ITGB3BP: variants seen among roughly 807,000 people sequenced by gnomAD.
The protein encoded by ITGB3BP is integrin subunit beta 3 binding protein, also known as centromere protein R.
Under a neutral mutation model 29.1 loss-of-function variants are expected in ITGB3BP, and 27 were observed. That is an observed-to-expected ratio of 0.93 (90% CI 0.68 to 1.28). The LOEUF is 1.28. ITGB3BP is among the 50% of genes most tolerant of loss of function. The pLI is 0.00. For missense variants in ITGB3BP, 192 were observed against 200.2 expected (o/e 0.96, Z 0.25); for synonymous variants, 61 against 61.4 (o/e 0.99, Z 0.03).
At chr1:63,527,338 G>A (rs371278080), upstream of ITGB3BP, among the ~76,000 whole-genome samples, 49 of 152,152 alleles carry the variant, frequency 3.2e-4, no homozygotes, top group Non-Finnish European at 6.3e-4. Flanking sequence ...CTCTCTTAAC[G>A]TTGTAATAAT....
At chr1:63,451,087 C>G (rs1644853618) in intron 7 of ITGB3BP, among the ~76,000 whole-genome samples, 1 of 151,704 alleles carries the variant, frequency 6.6e-6, no homozygotes, top group South Asian at 2.1e-4. Flanking sequence ...ATAAATATTA[C>G]TAGAACTAAA....
upstream of ITGB3BP, among the ~76,000 whole-genome samples, chr1:63,526,574 A>G (rs996412992): frequency 2.0e-5 from 3 of 152,242 alleles, no homozygotes; most frequent in African/African-American, 7.2e-5. Flanking sequence ...AATTGACAAG[A>G]TTAAAATTTA....
At chr1:63,521,060 T>A (rs1171713805) in intron 1 of ITGB3BP, among the ~76,000 whole-genome samples, 2 of 152,120 alleles carry the variant, frequency 1.3e-5, no homozygotes, top group African/African-American at 4.8e-5. Flanking sequence ...TGTATTGAAG[T>A]TTTTTCTGCT....
chr1:63,471,107 T>C (rs903076619), intron 4 of ITGB3BP, among the ~76,000 whole-genome samples: 3 of 152,208 alleles, frequency 2.0e-5, no homozygotes, highest in Non-Finnish European at 1.5e-5. Flanking sequence ...CATTTTTCTA[T>C]TGGATTGTCT....
chr1:63,466,353 C>T (rs1437456537), intron 4 of ITGB3BP, among the ~76,000 whole-genome samples: 2 of 152,212 alleles, frequency 1.3e-5, no homozygotes, highest in Admixed American at 1.3e-4. Context: ...GATGAAACTA[C>T]ATATGACGAC....
At chr1:63,489,133 T>C (rs1645591596) in intron 3 of ITGB3BP, among the ~76,000 whole-genome samples, 1 of 151,888 alleles carries the variant, frequency 6.6e-6, no homozygotes, top group Non-Finnish European at 1.5e-5. Flanking sequence ...GAGAACCTAA[T>C]AGTAACAGCT....
Position 63,508,512 on chromosome 1 carries a change from T to C in ITGB3BP, c.48+16A>G. ...CACAATCTTATTCAATGACAAACTT[T>C]TAAGCAAATACTTACATTTTCTTCT... On this transcript the variant is annotated intron_variant, in intron 2 of 8. Transcript: ENST00000271002. 1 of 1,313,842 alleles carries C rather than the reference T, an allele frequency of 7.6e-7. No homozygotes were observed. The highest frequency in any genetic ancestry group is 1.4e-5 in the South Asian group (1 of 71,294). 81.4% of individuals were successfully genotyped at this position (1,313,842 alleles called of 1,614,324 possible).
chr1:63,507,008 G>A (rs1259642489), intron 2 of ITGB3BP, among the ~76,000 whole-genome samples: 1 of 152,202 alleles, frequency 6.6e-6, no homozygotes, highest in Non-Finnish European at 1.5e-5. Flanking sequence ...GATGAAGTGT[G>A]TATGTAGCCA....
At chr1:63,443,033 G>C (rs148979429) in intron 8 of ITGB3BP, 1 of 152,348 alleles carries the variant, frequency 6.6e-6, no homozygotes, top group African/African-American at 2.4e-5. Flanking sequence ...TTTCACAAAG[G>C]CTTCACTTTT....
chr1:63,448,342 A>T (rs1040334456), intron 7 of ITGB3BP, among the ~76,000 whole-genome samples: 4 of 151,892 alleles, frequency 2.6e-5, no homozygotes, highest in Non-Finnish European at 5.9e-5. Flanking sequence ...AAAATAAAAA[A>T]AAAAAAGCAA....
At chr1:63,516,342 C>G (rs12130694) in intron 1 of ITGB3BP, among the ~76,000 whole-genome samples, 53 of 51,896 alleles carry the variant, frequency 1.0e-3, no homozygotes, top group South Asian at 2.3e-3. Flanking sequence ...GGAAGGGAAG[C>G]GGAGCGGGGG....
At chr1:63,500,279 G>A (rs1570279020) in intron 2 of ITGB3BP, among the ~76,000 whole-genome samples, 3 of 152,096 alleles carry the variant, frequency 2.0e-5, no homozygotes, top group South Asian at 2.1e-4. Flanking sequence ...TTGGAAGGCC[G>A]AGGCAGGAGA....
In ITGB3BP at chr1:63,454,515, CAT is replaced by C. The variant is rs750274935; in HGVS notation, c.334-44_334-43del. 8.8e-6 allele frequency: 8 copies of C among 905,914 alleles called. No individual in the cohort carries two copies. Among genetic ancestry groups the C allele is most frequent in the South Asian group, 4.8e-5 (3 of 62,026 alleles). The allele number at this position is 905,914 out of a possible 1,614,324, so 56.1% of individuals were successfully genotyped here. The stretch of plus-strand genomic sequence containing the variant: ...TTGAATGAGTTAAGTTCTCTACACA[CAT>C]GAGATTACTGACATGTCTAGTGAAA... On this transcript the variant is annotated intron_variant, in intron 5 of 8. Transcript: ENST00000271002. The surrounding 1 kb of genome is among the most constrained non-coding windows in gnomAD (Gnocchi z 4.1).
chr1:63,503,695 TGTA>T, intron 2 of ITGB3BP, among the ~76,000 whole-genome samples: 1 of 152,304 alleles, frequency 6.6e-6, no homozygotes, highest in African/African-American at 2.4e-5. Flanking sequence ...TTTTATAAGG[TGTA>T]AGGAAGGGAT....
Position 63,454,830 on chromosome 1 carries a change from T to C in ITGB3BP, c.333+60A>G. The stretch of plus-strand genomic sequence containing the variant: ...CTTTCCTGGATTGGATTCTCCAATC[T>C]GGGACACTTCTTTCATTTTATCCTT... On this transcript the variant is annotated intron_variant, in intron 5 of 8. Transcript: ENST00000271002. The surrounding 1 kb of genome is among the most constrained non-coding windows in gnomAD (Gnocchi z 4.1). 1.3e-6 allele frequency: 1 copy of C among 756,466 alleles called. No homozygotes were observed. The highest frequency in any genetic ancestry group is 1.9e-5 in the South Asian group (1 of 51,310). 46.9% of individuals were successfully genotyped at this position (756,466 alleles called of 1,614,324 possible). A position where few individuals can be genotyped will look rare whatever the true frequency, so the allele number is the denominator to read the frequency against.
At chr1:63,499,386 G>A (rs1333099987) in intron 2 of ITGB3BP, among the ~76,000 whole-genome samples, 1 of 152,120 alleles carries the variant, frequency 6.6e-6, no homozygotes, top group East Asian at 1.9e-4. Flanking sequence ...CCCGGCCTCA[G>A]GTGATCCACC....
chr1:63,503,414 C>T (rs1159286643), intron 2 of ITGB3BP, among the ~76,000 whole-genome samples: 3 of 152,034 alleles, frequency 2.0e-5, no homozygotes, highest in Admixed American at 2.0e-4. Flanking sequence ...GATATTAGCC[C>T]TTTGTCAGAT....
At chr1:63,486,586 T>C (rs9436237) in intron 3 of ITGB3BP, among the ~76,000 whole-genome samples, 51,415 of 151,908 alleles carry the variant, frequency 0.34, 8,926 homozygotes, top group East Asian at 0.48. Context: ...TTGTCATCTG[T>C]TTACAAGATG....
chr1:63,493,611 T>C (rs562031700), intron 2 of ITGB3BP, among the ~76,000 whole-genome samples: 4 of 152,202 alleles, frequency 2.6e-5, no homozygotes, highest in African/African-American at 9.6e-5. Flanking sequence ...AAACTAAAAT[T>C]TGGGCATCGA....
Sources: allele counts gnomAD v4.1 joint callset (sites outside exome capture counted in the v4.1 genomes callset), GRCh38; gene constraint gnomAD v4.1.1; non-coding constraint Gnocchi (gnomAD v3.1); transcripts MANE v1.5; gene names NCBI Gene and HGNC (gene_info 2026-07-23, HGNC 2026-07-21).